The following C12orf56 variants were observed in gnomAD, a reference collection of about 807,000 sequenced individuals.
The protein encoded by C12orf56 is chromosome 12 open reading frame 56.
A neutral mutation model predicts 69.9 loss-of-function variants in C12orf56; 71 were observed. The observed-to-expected ratio is 1.02, with a 90% CI of 0.84 to 1.24. The LOEUF is 1.24. C12orf56 is among the 50% of genes most tolerant of loss of function. C12orf56 has a pLI of 0.00. For synonymous variants in C12orf56, 276 were observed against 274.1 expected, an observed-to-expected ratio of 1.01 and a Z score of -0.07; for missense variants, 732 against 738.5, an observed-to-expected ratio of 0.99 and a Z score of 0.10.
chr12:64,345,816 A>G (rs147781082), intron 2 of C12orf56, among the ~76,000 whole-genome samples: 1,861 of 152,298 alleles, frequency 0.012, 48 homozygotes, highest in African/African-American at 0.042. Context: ...ATAATACTTC[A>G]TACAAATGTA....
intron 2 of C12orf56, chr12:64,338,295 C>A: frequency 2.0e-6 from 1 of 507,906 alleles, no homozygotes. Flanking sequence ...TTACAATCCC[C>A]ATTATATATC....
At chr12:64,383,438 G>A (rs1487167558) in intron 1 of C12orf56, among the ~76,000 whole-genome samples, 12 of 151,932 alleles carry the variant, frequency 7.9e-5, no homozygotes, top group Admixed American at 2.0e-4. Flanking sequence ...GTGCAGTGGC[G>A]CGATCTTGGC....
In C12orf56 at chr12:64,358,974, A is replaced by G. The variant is rs139990432; in HGVS notation, c.253-5918T>C. Among the ~76,000 whole-genome samples, 695 of 152,302 alleles carry G rather than the reference A, an allele frequency of 4.6e-3. 9 individuals are homozygous for G. The highest frequency in any genetic ancestry group is 0.016 in the African/African-American group (660 of 41,560). ...TTGCTTATAATGGAGTTCAGGACATACTACTCCAAAATAGGGCGCTTCACC... is the reference window on the plus strand; with the variant it reads ...TTGCTTATAATGGAGTTCAGGACATGCTACTCCAAAATAGGGCGCTTCACC... On this transcript the variant is annotated intron_variant, in intron 1 of 12. Transcript: ENST00000543942.
chr12:64,265,424 C>T lies in C12orf56; in HGVS notation c.*1759G>A, dbSNP rs1257576499. ...GGATTACTTGAAGTTAGTGCAAAAT[C>T]ATCCACTGAGCCGAGATAGCAGAGA... On this transcript the variant is annotated 3_prime_UTR_variant, in exon 13 of 13. Coordinates refer to ENST00000543942, the MANE Select transcript of C12orf56 (RefSeq NM_001170633.2). 1 of 152,190 alleles carries T rather than the reference C, an allele frequency of 6.6e-6. No homozygotes were observed. The highest frequency in any genetic ancestry group is 6.6e-5 in the Admixed American group (1 of 15,262). The allele number at this position is 152,190 out of a possible 1,614,324, so 9.4% of individuals were successfully genotyped here. A position where few individuals can be genotyped will look rare whatever the true frequency, so the allele number is the denominator to read the frequency against.
At chr12:64,298,022 T>C (rs1277501506) in intron 6 of C12orf56, among the ~76,000 whole-genome samples, 1 of 152,220 alleles carries the variant, frequency 6.6e-6, no homozygotes, top group African/African-American at 2.4e-5. Flanking sequence ...AGCATTCCTA[T>C]TTCTCCACAT....
chr12:64,316,572 A>G (rs1043166724), intron 4 of C12orf56, among the ~76,000 whole-genome samples: 12 of 152,076 alleles, frequency 7.9e-5, no homozygotes, highest in Admixed American at 6.6e-4. Flanking sequence ...ATTTTCAATG[A>G]TAGTGTCTAC....
chr12:64,359,890 G>C (rs189273567), intron 1 of C12orf56, among the ~76,000 whole-genome samples: 76 of 151,874 alleles, frequency 5.0e-4, no homozygotes, highest in African/African-American at 1.7e-3. Flanking sequence ...AATTTTTGTA[G>C]TTTTAGTAAA....
At chr12:64,297,567 T>C (rs1245797235) in intron 6 of C12orf56, among the ~76,000 whole-genome samples, 2 of 152,200 alleles carry the variant, frequency 1.3e-5, no homozygotes, top group Non-Finnish European at 2.9e-5. Context: ...CAATGTGTGA[T>C]GTTCCCCTCC....
intron 8 of C12orf56, 29 bp downstream of exon 8, chr12:64,284,635 A>G (rs1429698052): frequency 6.5e-7 from 1 of 1,532,342 alleles, no homozygotes; most frequent in Non-Finnish European, 8.9e-7. Flanking sequence ...TGCAACTACA[A>G]GGTCCCAATG....
chr12:64,277,404 G>A (rs1288198726), intron 9 of C12orf56, among the ~76,000 whole-genome samples: 1 of 151,966 alleles, frequency 6.6e-6, no homozygotes, highest in East Asian at 1.9e-4. Context: ...TATAAAGAAT[G>A]CTAATTACTT....
intron 6 of C12orf56, among the ~76,000 whole-genome samples, chr12:64,300,642 C>T (rs1461827204): frequency 2.6e-5 from 4 of 152,198 alleles, no homozygotes; most frequent in Non-Finnish European, 4.4e-5. Context: ...TTCCATAAAA[C>T]CCTGTTCCCA....
intron 1 of C12orf56, among the ~76,000 whole-genome samples, chr12:64,377,650 T>G (rs1368698452): frequency 1.3e-5 from 2 of 152,230 alleles, no homozygotes; most frequent in African/African-American, 4.8e-5. Flanking sequence ...TTGATTCATA[T>G]TTCTTTTATC....
intron 1 of C12orf56, among the ~76,000 whole-genome samples, chr12:64,376,069 C>A (rs1592501292): frequency 1.3e-5 from 2 of 152,172 alleles, no homozygotes; most frequent in African/African-American, 2.4e-5. Flanking sequence ...TGAGATGCAC[C>A]AAAACTGCAA....
chr12:64,271,349 C>T (rs1470917854), intron 11 of C12orf56, among the ~76,000 whole-genome samples: 1 of 151,946 alleles, frequency 6.6e-6, no homozygotes, highest in Admixed American at 6.6e-5. Context: ...TCTGTAATCC[C>T]AGCTACTTGG....
At chr12:64,321,190 C>T (rs1035399865) in intron 3 of C12orf56, among the ~76,000 whole-genome samples, 3 of 152,188 alleles carry the variant, frequency 2.0e-5, no homozygotes, top group African/African-American at 7.2e-5. Context: ...AAACTGGAAA[C>T]AATATGTGCA....
chr12:64,380,572 A>G (rs1166410807), intron 1 of C12orf56, among the ~76,000 whole-genome samples: 2 of 152,196 alleles, frequency 1.3e-5, no homozygotes, highest in African/African-American at 4.8e-5. Context: ...TTAATCTTAT[A>G]AAATGCAAAT....
chr12:64,308,900 G>A (rs1280023028), intron 5 of C12orf56, among the ~76,000 whole-genome samples: 1 of 55,138 alleles, frequency 1.8e-5, no homozygotes, highest in Non-Finnish European at 3.4e-5. Flanking sequence ...AAGAAAGAAA[G>A]AAAGAAAGAA....
chr12:64,315,931 C>CAAA (rs1447522554), intron 4 of C12orf56, among the ~76,000 whole-genome samples: 3 of 61,250 alleles, frequency 4.9e-5, no homozygotes, highest in African/African-American at 1.6e-4. Context: ...AACTCCACCT[C>CAAA]AAAAAAAAAA....
At chr12:64,275,133 T>C in intron 10 of C12orf56, 158 bp from the exon 11 acceptor site, 2 of 771,460 alleles carry the variant, frequency 2.6e-6, no homozygotes, top group African/African-American at 1.8e-5. Context: ...AAAGTTCATA[T>C]CATTGAAATC....
Sources: allele counts gnomAD v4.1 joint callset (sites outside exome capture counted in the v4.1 genomes callset), GRCh38; gene constraint gnomAD v4.1.1; transcripts MANE v1.5; gene names NCBI Gene and HGNC (gene_info 2026-07-23, HGNC 2026-07-21).